C8orf74: variants seen among roughly 807,000 people sequenced by gnomAD.
The protein encoded by C8orf74 is uncharacterized protein C8orf74.
In C8orf74, 29 loss-of-function variants were observed where a neutral mutation model predicts 22.2. That is an observed-to-expected ratio of 1.31 (90% CI 0.97 to 1.78). The LOEUF (loss-of-function observed/expected upper bound fraction) is 1.78, where lower values mean the gene tolerates loss of function less well. Ranked by LOEUF, C8orf74 falls within the 40% of genes most tolerant of loss-of-function variation. C8orf74 has a pLI of 0.00. For synonymous variants in C8orf74, 255 were observed against 163.1 expected (o/e 1.56, Z -4.30); for missense variants, 515 against 369.9 (o/e 1.39, Z -3.22).
At chr8:10,686,944 G>T in intron 2 of C8orf74, 1 of 359,412 alleles carries the variant, frequency 2.8e-6, no homozygotes, top group Non-Finnish European at 5.5e-6. Flanking sequence ...CTACTCTTTG[G>T]GTGGGGCCCC....
intron 2 of C8orf74, among the ~76,000 whole-genome samples, chr8:10,693,910 A>T (rs1799435848): frequency 1.3e-5 from 2 of 152,242 alleles, no homozygotes; most frequent in African/African-American, 4.8e-5. Context: ...CCACCTCTCC[A>T]TGCAGCTCTT....
chr8:10,692,395 C>T (rs61574269), intron 2 of C8orf74: 17 of 152,490 alleles, frequency 1.1e-4, no homozygotes, highest in African/African-American at 3.6e-4. Flanking sequence ...ACCCTTCTGC[C>T]ATGTCTGGGT....
intron 3 of C8orf74, among the ~76,000 whole-genome samples, chr8:10,698,439 A>G (rs951182862): frequency 1.3e-5 from 2 of 152,102 alleles, no homozygotes; most frequent in East Asian, 3.9e-4. Flanking sequence ...AGGCAGGGAC[A>G]TGGGGACAGC....
rs764264532 is a variant in C8orf74 at position 10,700,315 on chromosome 8, C to A, written c.729C>A (p.Asn243Lys). 2.5e-6 allele frequency: 4 copies of A among 1,613,876 alleles called. No individual in the cohort carries two copies. The highest frequency in any genetic ancestry group is 2.7e-5 in the African/African-American group (2 of 75,048). The change falls in exon 4 of 4, where the codon AAC (asparagine) becomes AAA (lysine). Residue 243 changes from asparagine (N) to lysine (K), a missense_variant. Asn to Lys is a moderately conservative substitution (Grantham distance 94, BLOSUM62 0). Coordinates refer to ENST00000304519, the MANE Select transcript of C8orf74 (RefSeq NM_001040032.2). ...LQELLQRQIQ[N>K]TFAILDLKLQ... ...AGCTGCTGCAGCGCCAGATCCAGAA[C>A]ACATTCGCCATCTTGGACCTGAAGC...
chr8:10,693,048 G>A (rs981766482), intron 2 of C8orf74: 29 of 152,312 alleles, frequency 1.9e-4, no homozygotes, highest in African/African-American at 5.8e-4. Flanking sequence ...GCCAGATGGC[G>A]GTCCTGGGAG....
chr8:10,672,820 C>T, intron 1 of C8orf74, 107 bp downstream of exon 1: 1 of 954,318 alleles, frequency 1.0e-6, no homozygotes, highest in Admixed American at 2.1e-5. Context: ...GGCAGCCACC[C>T]CGGCTCAGCA....
chr8:10,687,263 A>C (rs1054303792), intron 2 of C8orf74: 4 of 377,454 alleles, frequency 1.1e-5, no homozygotes, highest in African/African-American at 8.4e-5. Context: ...TATTGCCTCT[A>C]TTTTACAGGT....
At chr8:10,686,651 T>C (rs1799267938) in intron 2 of C8orf74, 1 of 158,296 alleles carries the variant, frequency 6.3e-6, no homozygotes. Flanking sequence ...AGTACTTGGA[T>C]GGGAGACCGC....
intron 2 of C8orf74, among the ~76,000 whole-genome samples, 158 bp downstream of exon 2, chr8:10,674,996 G>T (rs988674116): frequency 2.6e-5 from 4 of 152,168 alleles, no homozygotes; most frequent in African/African-American, 9.7e-5. Context: ...TTAAAAATAA[G>T]GTCTCTACTC....
chr8:10,686,645 C>T (rs1799267839), intron 2 of C8orf74: 1 of 157,728 alleles, frequency 6.3e-6, no homozygotes. Flanking sequence ...ATGGTTAGTA[C>T]TTGGATGGGA....
At chr8:10,682,799 G>T (rs1188263817) in intron 2 of C8orf74, among the ~76,000 whole-genome samples, 1 of 152,228 alleles carries the variant, frequency 6.6e-6, no homozygotes, top group Non-Finnish European at 1.5e-5. Context: ...CGGGGCCATA[G>T]AAACCTTCCC....
chr8:10,680,863 C>T (rs180863925), intron 2 of C8orf74, among the ~76,000 whole-genome samples: 14 of 152,292 alleles, frequency 9.2e-5, no homozygotes, highest in African/African-American at 1.4e-4. Flanking sequence ...CCACCCTGTC[C>T]GCCTCCTGGC....
chr8:10,674,672 G>C lies in C8orf74; in HGVS notation c.75G>C (p.Arg25=), dbSNP rs1305660015. The stretch of plus-strand genomic sequence containing the variant: ...GACCACAAGGTCGGGAGCGCCTGCG[G>C]AGGCTTCTGAACTGGGAGGAGTTTG... ...LQRPQGRERL[R]RLLNWEEFDE... is the part of the protein sequence containing the mutation. The change falls in exon 2 of 4, where the codon CGG becomes CGC. Residue 25 remains arginine, a synonymous_variant. Coordinates refer to ENST00000304519, the MANE Select transcript of C8orf74 (RefSeq NM_001040032.2). 1.2e-6 allele frequency: 2 copies of C among 1,610,156 alleles called. No individual in the cohort carries two copies. Among genetic ancestry groups the C allele is most frequent in the Non-Finnish European group, 1.7e-6 (2 of 1,178,266 alleles).
chr8:10,689,489 G>A (rs750691734), intron 2 of C8orf74: 2 of 152,062 alleles, frequency 1.3e-5, no homozygotes, highest in East Asian at 1.9e-4. Context: ...TAATCTCCCT[G>A]GATCCAACAT....
intron 2 of C8orf74, among the ~76,000 whole-genome samples, chr8:10,695,622 A>G (rs1799474584): frequency 6.6e-6 from 1 of 152,234 alleles, no homozygotes. Flanking sequence ...AGACAGCCTC[A>G]GTGACCAGCC....
intron 2 of C8orf74, among the ~76,000 whole-genome samples, chr8:10,683,132 A>T (rs1483481189): frequency 1.3e-5 from 2 of 152,228 alleles, no homozygotes; most frequent in African/African-American, 4.8e-5. Context: ...CGAGTGGGCC[A>T]GGGCTGCGGA....
intron 3 of C8orf74, among the ~76,000 whole-genome samples, chr8:10,698,886 A>T (rs924845773): frequency 2.2e-4 from 32 of 145,194 alleles, no homozygotes; most frequent in African/African-American, 6.8e-4. Context: ...GTATTCCTTT[A>T]GGGTTACACA....
chr8:10,679,710 G>A (rs1393031522), intron 2 of C8orf74, among the ~76,000 whole-genome samples: 21 of 152,128 alleles, frequency 1.4e-4, no homozygotes, highest in African/African-American at 2.4e-4. Context: ...TCCCACCTGC[G>A]TTTCTGCAGC....
At position 10,697,997 on chromosome 8, in the gene C8orf74, G is replaced by T; in HGVS notation, c.640G>T (p.Glu214Ter). 1.3e-6 allele frequency: 2 copies of T among 1,484,724 alleles called. No individual in the cohort carries two copies. The highest frequency in any genetic ancestry group is 8.9e-7 in the Non-Finnish European group (1 of 1,120,416). 92.0% of individuals were successfully genotyped at this position (1,484,724 alleles called of 1,614,324 possible). Residue 214 changes from glutamate to a stop codon, truncating the protein, a stop_gained, in exon 3 of 4, where the codon GAG becomes TAG. Coordinates refer to ENST00000304519, the MANE Select transcript of C8orf74 (RefSeq NM_001040032.2). LOFTEE classifies it low-confidence loss of function (END_TRUNC). ...AAPAQPGQVL[E>*]RQELESLICQ... Reference sequence around the variant, plus strand: ...GCCTGCGCAGCCCGGCCAGGTCCTGGAGAGACAGGTGAGGCTCTGCCCCCC... The same window carrying T: ...GCCTGCGCAGCCCGGCCAGGTCCTGTAGAGACAGGTGAGGCTCTGCCCCCC...
Sources: gnomAD v4.1 joint callset for allele counts (sites outside exome capture counted in the v4.1 genomes callset) on GRCh38, gnomAD v4.1.1 for gene constraint, MANE v1.5 for transcripts, NCBI Gene and HGNC (gene_info 2026-07-23, HGNC 2026-07-21) for gene names.